The following NEK1 variants were observed in gnomAD, a reference collection of about 807,000 sequenced individuals.
The protein encoded by NEK1 is NIMA related kinase 1.
A neutral mutation model predicts 182.1 loss-of-function variants in NEK1; 137 were observed. The ratio of observed to expected loss-of-function variants is 0.75; its 90% CI spans 0.65 to 0.87. The LOEUF (loss-of-function observed/expected upper bound fraction) is 0.87. NEK1 is among the 40% of genes least tolerant of loss of function. NEK1 has a pLI of 0.00. For synonymous variants in NEK1, 513 were observed against 492.2 expected (o/e 1.04, Z -0.56); for missense variants, 1,391 against 1,494.4 (o/e 0.93, Z 1.14).
At chr4:169,400,825 T>A (rs113289965) in intron 33 of NEK1, among the ~76,000 whole-genome samples, 174 bp from the exon 34 acceptor site, 182 of 152,184 alleles carry the variant, frequency 1.2e-3, no homozygotes, top group African/African-American at 4.0e-3. Flanking sequence ...AAAAAAAATG[T>A]ATAAATCTGT....
intron 31 of NEK1, among the ~76,000 whole-genome samples, chr4:169,414,095 C>T (rs1333237155): frequency 6.6e-6 from 1 of 152,130 alleles, no homozygotes; most frequent in Middle Eastern, 3.2e-3. Context: ...ATATAGAATA[C>T]TATTCATACT....
intron 18 of NEK1, among the ~76,000 whole-genome samples, chr4:169,549,839 C>T (rs976724372): frequency 3.3e-5 from 5 of 152,178 alleles, no homozygotes; most frequent in Non-Finnish European, 5.9e-5. Flanking sequence ...CCTGCCTCAG[C>T]CTCCTGAGTT....
chr4:169,500,204 G>A (rs546965127), intron 23 of NEK1, among the ~76,000 whole-genome samples: 19 of 152,266 alleles, frequency 1.2e-4, no homozygotes, highest in East Asian at 7.7e-4. Context: ...TGAGCCAGGC[G>A]CCAGATATAA....
intron 19 of NEK1, among the ~76,000 whole-genome samples, chr4:169,523,807 T>C (rs1756474717): frequency 6.6e-6 from 1 of 152,224 alleles, no homozygotes; most frequent in African/African-American, 2.4e-5. Flanking sequence ...ATGTTCCTGC[T>C]AGCATGAAAC....
chr4:169,543,397 T>C (rs1179836149), intron 18 of NEK1, among the ~76,000 whole-genome samples: 1 of 152,190 alleles, frequency 6.6e-6, no homozygotes, highest in African/African-American at 2.4e-5. Context: ...ACCCTTGTAG[T>C]ATAGTTTGAA....
rs1730238331 is a variant in NEK1 at position 169,393,464 on chromosome 4, A to G, written c.*1046T>C. On this transcript the variant is annotated 3_prime_UTR_variant, in exon 36 of 36. Transcript: ENST00000507142. ...CAGCCTGCTTTGGACTCAGAGGTTC[A>G]AAAACTTTGCTTTTATTACGAAGAA... The G allele has an allele frequency of 6.6e-6, 1 of 152,172 alleles. No individual in the cohort carries two copies. The highest frequency in any genetic ancestry group is 6.5e-5 in the Admixed American group (1 of 15,280). The allele number at this position is 152,172 out of a possible 1,614,324, so 9.4% of individuals were successfully genotyped here. A position where few individuals can be genotyped will look rare whatever the true frequency, so the allele number is the denominator to read the frequency against.
chr4:169,507,699 C>T lies in NEK1; in HGVS notation c.1911+16G>A. On this transcript the variant is annotated intron_variant, in intron 22 of 35. Coordinates refer to ENST00000507142, the MANE Select transcript of NEK1 (RefSeq NM_001199397.3). ...CAATTTTCTCTAAGAAAACCTGTAT[C>T]ATTTCTAGTCTATACCTTCAGTGAT... 6.3e-7 allele frequency: 1 copy of T among 1,591,036 alleles called. No individual in the cohort carries two copies. Among genetic ancestry groups the T allele is most frequent in the African/African-American group, 1.3e-5 (1 of 74,516 alleles).
chr4:169,424,643 T>C lies in NEK1; in HGVS notation c.3132A>G (p.Arg1044=). The part of the protein sequence containing the change: ...QCSPEESFAF[R]SHSHLPPKNK... ...TTTTTGGTGGTAAATGCGAGTGAGA[T>C]CGAAATGCAAAGGATTCTTCTGGTG... The change falls in exon 31 of 36, where the codon CGA becomes CGG. Residue 1044 remains arginine, a synonymous_variant. Coordinates refer to ENST00000507142, the MANE Select transcript of NEK1 (RefSeq NM_001199397.3). 2 of 1,613,688 alleles carry C rather than the reference T, an allele frequency of 1.2e-6. No homozygotes were observed. Among genetic ancestry groups the C allele is most frequent in the Non-Finnish European group, 8.5e-7 (1 of 1,179,694 alleles).
chr4:169,527,474 T>C (rs1757053953), intron 19 of NEK1, among the ~76,000 whole-genome samples: 1 of 152,172 alleles, frequency 6.6e-6, no homozygotes, highest in South Asian at 2.1e-4. Context: ...TTTCCTGGTG[T>C]TATTTTAATG....
chr4:169,595,559 C>A (rs1329410902), intron 5 of NEK1, among the ~76,000 whole-genome samples: 2 of 152,062 alleles, frequency 1.3e-5, no homozygotes, highest in African/African-American at 4.8e-5. Context: ...GCAACCAAGG[C>A]CATACCTGGA....
At chr4:169,489,002 T>TCAAACAAG (rs1293059136) in intron 23 of NEK1, among the ~76,000 whole-genome samples, 1 of 152,220 alleles carries the variant, frequency 6.6e-6, no homozygotes, top group African/African-American at 2.4e-5. Flanking sequence ...AAGTCAATCT[T>TCAAACAAG]CAAACAAGCT....
chr4:169,479,947 C>T (rs1031485429), intron 23 of NEK1, among the ~76,000 whole-genome samples: 3 of 152,148 alleles, frequency 2.0e-5, no homozygotes, highest in African/African-American at 7.2e-5. Context: ...TAAGAGCCCT[C>T]ATAAAAATGC....
chr4:169,427,787 T>G (rs868579796), intron 29 of NEK1, among the ~76,000 whole-genome samples: 1 of 152,112 alleles, frequency 6.6e-6, no homozygotes, highest in Non-Finnish European at 1.5e-5. Context: ...TAAGCCACCA[T>G]GTCCAGCCTC....
At chr4:169,436,134 G>A (rs1367912833) in intron 28 of NEK1, among the ~76,000 whole-genome samples, 3 of 152,118 alleles carry the variant, frequency 2.0e-5, no homozygotes, top group African/African-American at 4.8e-5. Flanking sequence ...GAACTCCTGG[G>A]CTCAAGCGAT....
At chr4:169,556,911 A>G (rs1762247790) in intron 16 of NEK1, among the ~76,000 whole-genome samples, 1 of 152,054 alleles carries the variant, frequency 6.6e-6, no homozygotes, top group South Asian at 2.1e-4. Flanking sequence ...GTGGAAGAGG[A>G]AGGAAGTATG....
chr4:169,434,096 T>C (rs1737931572), intron 28 of NEK1, among the ~76,000 whole-genome samples: 1 of 151,766 alleles, frequency 6.6e-6, no homozygotes, highest in Non-Finnish European at 1.5e-5. Flanking sequence ...CTTCAAAATC[T>C]ATCTTTTAAT....
At chr4:169,515,392 C>T (rs1355938170) in intron 19 of NEK1, among the ~76,000 whole-genome samples, 1 of 152,120 alleles carries the variant, frequency 6.6e-6, no homozygotes, top group Non-Finnish European at 1.5e-5. Context: ...CAAGTCTCAA[C>T]TGTAATTGTG....
intron 12 of NEK1, among the ~76,000 whole-genome samples, chr4:169,568,468 A>G (rs1170633718): frequency 6.6e-6 from 1 of 152,196 alleles, no homozygotes; most frequent in Non-Finnish European, 1.5e-5. Context: ...AAAAAAGGAC[A>G]TTTATAAGAA....
chr4:169,446,649 A>G (rs61516087), intron 27 of NEK1, among the ~76,000 whole-genome samples: 16,913 of 152,154 alleles, frequency 0.11, 1,023 homozygotes, highest in East Asian at 0.17. Flanking sequence ...AGGAAACTCA[A>G]TGAAATTCAA....
Sources: gnomAD v4.1 joint callset for allele counts (sites outside exome capture counted in the v4.1 genomes callset) on GRCh38, gnomAD v4.1.1 for gene constraint, MANE v1.5 for transcripts, NCBI Gene and HGNC (gene_info 2026-07-23, HGNC 2026-07-21) for gene names.